THRB: variants seen among roughly 807,000 people sequenced by gnomAD.
The protein encoded by THRB is nuclear receptor subfamily 1 group A member 2.
Under a neutral mutation model 47.8 loss-of-function variants are expected in THRB, and 12 were observed. The observed-to-expected ratio is 0.25, with a 90% CI of 0.16 to 0.41. The LOEUF is 0.41. Among genes scored for constraint, THRB ranks in the 10% least tolerant of loss-of-function variants. The pLI, the probability that THRB is intolerant of heterozygous loss-of-function variation, is 1.00. For missense variants in THRB, 348 were observed against 589.2 expected, an observed-to-expected ratio of 0.59 and a Z score of 4.24; for synonymous variants, 218 against 212.2, an observed-to-expected ratio of 1.03 and a Z score of -0.24.
chr3:24,131,964 T>C (rs35572010), intron 9 of THRB, among the ~76,000 whole-genome samples: 26,622 of 152,126 alleles, frequency 0.17, 3,243 homozygotes, highest in East Asian at 0.56. Flanking sequence ...GGGCAAGATA[T>C]CTGTTTCCCG....
intron 5 of THRB, among the ~76,000 whole-genome samples, chr3:24,184,071 A>G (rs897270974): frequency 6.6e-6 from 1 of 152,160 alleles, no homozygotes; most frequent in East Asian, 1.9e-4. Context: ...TAAACACACA[A>G]TTATATAGAC....
intron 2 of THRB, among the ~76,000 whole-genome samples, chr3:24,300,959 T>C (rs1443900512): frequency 6.6e-6 from 1 of 152,172 alleles, no homozygotes; most frequent in Non-Finnish European, 1.5e-5. Flanking sequence ...GATCTCTACA[T>C]GAAATTATCC....
intron 1 of THRB, among the ~76,000 whole-genome samples, chr3:24,354,684 A>C (rs975012904): frequency 1.3e-5 from 2 of 152,160 alleles, no homozygotes; most frequent in African/African-American, 4.8e-5. Flanking sequence ...TCCACTCTCA[A>C]ATAAAGGATT....
chr3:24,391,771 C>G (rs1003572893), intron 1 of THRB, among the ~76,000 whole-genome samples: 4 of 152,114 alleles, frequency 2.6e-5, no homozygotes, highest in African/African-American at 7.2e-5. Flanking sequence ...ATACAACTGC[C>G]CCATCATTGT....
intron 1 of THRB, among the ~76,000 whole-genome samples, chr3:24,386,293 T>C (rs2066097110): frequency 6.6e-6 from 1 of 152,142 alleles, no homozygotes; most frequent in African/African-American, 2.4e-5. Flanking sequence ...GCCCTGTTCT[T>C]ACCCTGCTTG....
At chr3:24,152,099 G>C (rs1040975280) in intron 6 of THRB, among the ~76,000 whole-genome samples, 4 of 152,058 alleles carry the variant, frequency 2.6e-5, no homozygotes, top group Non-Finnish European at 5.9e-5. Context: ...CAAAGTAAGA[G>C]TTTTATTAAT....
chr3:24,286,993 G>C (rs2055374388), intron 3 of THRB, among the ~76,000 whole-genome samples: 1 of 152,074 alleles, frequency 6.6e-6, no homozygotes, highest in African/African-American at 2.4e-5. Flanking sequence ...AGTTGAAGTT[G>C]GGTAAATTCC....
chr3:24,466,372 C>T (rs2074157396), intron 1 of THRB, among the ~76,000 whole-genome samples: 1 of 152,052 alleles, frequency 6.6e-6, no homozygotes, highest in African/African-American at 2.4e-5. Context: ...GTACCCTCAA[C>T]TCATCATCCT....
intron 2 of THRB, among the ~76,000 whole-genome samples, chr3:24,321,042 G>A (rs1412906265): frequency 6.6e-6 from 1 of 152,136 alleles, no homozygotes; most frequent in Non-Finnish European, 1.5e-5. Flanking sequence ...AGTTTCAGGT[G>A]TATCTTCTGG....
chr3:24,159,959 G>T (rs2038526525), intron 5 of THRB, among the ~76,000 whole-genome samples: 1 of 152,198 alleles, frequency 6.6e-6, no homozygotes, highest in Non-Finnish European at 1.5e-5. Flanking sequence ...AAATGATTCA[G>T]AGCTATTGTA....
intron 1 of THRB, among the ~76,000 whole-genome samples, chr3:24,487,200 A>G (rs1483404083): frequency 1.3e-5 from 2 of 152,104 alleles, no homozygotes; most frequent in African/African-American, 4.8e-5. Flanking sequence ...TTGTGGTGCT[A>G]GATACTGGTC....
In THRB at chr3:24,308,541, T is replaced by C. The variant is rs757318645; in HGVS notation, c.-188-11170A>G. 9.2e-5 allele frequency among the ~76,000 whole-genome samples: 14 copies of C among 152,280 alleles called. 1 individual carries two copies. Among genetic ancestry groups the C allele is most frequent in the South Asian group, 6.2e-4 (3 of 4,824 alleles). ...ATGAAATCTTTGTTATAAAAACAAA[T>C]AGAGAAAAGTAAATTTGAGGCATGT... On this transcript the variant is annotated intron_variant, in intron 2 of 10. Coordinates refer to ENST00000646209, the MANE Select transcript of THRB (RefSeq NM_001354712.2).
intron 4 of THRB, among the ~76,000 whole-genome samples, chr3:24,224,269 A>G (rs1403632656): frequency 6.6e-6 from 1 of 152,214 alleles, no homozygotes; most frequent in African/African-American, 2.4e-5. Context: ...TATTCATCGT[A>G]TATTATTTAT....
chr3:24,276,342 C>T (rs970944961), intron 3 of THRB, among the ~76,000 whole-genome samples: 3 of 152,164 alleles, frequency 2.0e-5, no homozygotes, highest in Non-Finnish European at 2.9e-5. Flanking sequence ...TTAACTTAAT[C>T]GTGAATGCAT....
intron 2 of THRB, among the ~76,000 whole-genome samples, chr3:24,298,860 G>A (rs1344659629): frequency 2.0e-5 from 3 of 152,178 alleles, no homozygotes; most frequent in Admixed American, 1.3e-4. Flanking sequence ...TCATTTGATT[G>A]TTTTTTAAAA....
At chr3:24,126,727 G>A (rs1047700533) in intron 10 of THRB, among the ~76,000 whole-genome samples, 1 of 152,232 alleles carries the variant, frequency 6.6e-6, no homozygotes, top group African/African-American at 2.4e-5. Flanking sequence ...GGTTTGATGT[G>A]TAGTGGCTTA....
rs1381754438 is a variant in THRB at position 24,190,274 on chromosome 3, T to C, written c.83A>G (p.Lys28Arg). 1 of 1,614,078 alleles carries C rather than the reference T, an allele frequency of 6.2e-7. No homozygotes were observed. Among genetic ancestry groups the C allele is most frequent in the Admixed American group, 1.7e-5 (1 of 60,010 alleles). ...GCAGGCTTCAGACATTCCTACTAGC[T>C]TCCAGTCGTGTTCTCGGTCTGGACA... ...KHCPDREHDW[K>R]LVGMSEACLH... is the part of the protein sequence containing the mutation. Residue 28 changes from lysine to arginine, a missense_variant, in exon 5 of 11, where the codon AAG becomes AGG. Transcript: ENST00000646209.
At chr3:24,453,813 C>T (rs747007870) in intron 1 of THRB, among the ~76,000 whole-genome samples, 15 of 152,144 alleles carry the variant, frequency 9.9e-5, no homozygotes, top group Non-Finnish European at 2.1e-4. Flanking sequence ...CCTTCCTGCT[C>T]ATCTTTAAAC....
At chr3:24,451,937 G>T (rs576629050) in intron 1 of THRB, among the ~76,000 whole-genome samples, 1 of 152,322 alleles carries the variant, frequency 6.6e-6, no homozygotes, top group African/African-American at 2.4e-5. Flanking sequence ...AAAAAGCACT[G>T]GGGGCTGGGC....
Sources: allele counts gnomAD v4.1 joint callset (sites outside exome capture counted in the v4.1 genomes callset), GRCh38; gene constraint gnomAD v4.1.1; transcripts MANE v1.5; gene names NCBI Gene and HGNC (gene_info 2026-07-23, HGNC 2026-07-21).